Variants in NUP93 observed in about 807,000 individuals in gnomAD.
The protein encoded by NUP93 is nuclear pore complex protein Nup93.
In NUP93, 55 loss-of-function variants were observed where a neutral mutation model predicts 107.8. The observed-to-expected ratio is 0.51, with a 90% CI of 0.41 to 0.64. The LOEUF is 0.64. NUP93 is among the 30% of genes least tolerant of loss of function. The probability of loss-of-function intolerance (pLI) is 0.00; values close to 1 mark genes in which losing one functional copy is unlikely to be tolerated. For synonymous variants in NUP93, 390 were observed against 397.5 expected, an observed-to-expected ratio of 0.98 and a Z score of 0.22; for missense variants, 937 against 1,044.7, an observed-to-expected ratio of 0.90 and a Z score of 1.42.
chr16:56,818,528 C>T, intron 5 of NUP93, 136 bp from the exon 6 acceptor site: 1 of 669,956 alleles, frequency 1.5e-6, no homozygotes, highest in Admixed American at 2.9e-5. Context: ...AAAATCATCA[C>T]TTTGAGGAAT....
rs545918596 is a variant in NUP93 at position 56,845,818 on chromosome 16, AGTT to A, written c.*1213_*1215del. The A allele has an allele frequency of 2.0e-4, 30 of 152,314 alleles. No individual in the cohort carries two copies. The East Asian group carries it at 5.4e-3, about 27-fold the overall frequency. 9.4% of individuals were successfully genotyped at this position (152,314 alleles called of 1,614,324 possible). ...GGTGTGGTCATCCCCACTGTCTCCC[AGTT>A]GTTAAAATAATTGTTACCTTTTCTT... On this transcript the variant is annotated 3_prime_UTR_variant, in exon 22 of 22. Coordinates refer to ENST00000308159, the MANE Select transcript of NUP93 (RefSeq NM_014669.5).
rs1209690658 is a variant in NUP93 at position 56,845,267 on chromosome 16, G to A, written c.*658G>A. The A allele has an allele frequency of 1.9e-5, 3 of 154,342 alleles. No individual in the cohort carries two copies. Among genetic ancestry groups the A allele is most frequent in the African/African-American group, 7.2e-5 (3 of 41,486 alleles). The allele number at this position is 154,342 out of a possible 1,614,324, so 9.6% of individuals were successfully genotyped here. ...GGAAGGTTGCAAGTGCCCCCAGCTT[G>A]CACTTGAGGAAGGGGTAAACCTTGC... On this transcript the variant is annotated 3_prime_UTR_variant, in exon 22 of 22. Coordinates refer to ENST00000308159, the MANE Select transcript of NUP93 (RefSeq NM_014669.5).
chr16:56,751,620 T>C (rs1597105358), intron 2 of NUP93, among the ~76,000 whole-genome samples: 1 of 152,150 alleles, frequency 6.6e-6, no homozygotes, highest in African/African-American at 2.4e-5. Context: ...ATAGGCATTT[T>C]CCCCCACATT....
At chr16:56,785,376 G>T (rs1368922207) in intron 3 of NUP93, among the ~76,000 whole-genome samples, 1 of 152,106 alleles carries the variant, frequency 6.6e-6, no homozygotes, top group African/African-American at 2.4e-5. Context: ...CTCCACCATG[G>T]TCTACTCAAG....
chr16:56,772,970 G>C (rs538730620), intron 3 of NUP93, among the ~76,000 whole-genome samples: 1 of 152,202 alleles, frequency 6.6e-6, no homozygotes, highest in Non-Finnish European at 1.5e-5. Context: ...TTGATCACCA[G>C]TGGCCAGTGG....
chr16:56,785,693 G>A (rs867018331), intron 3 of NUP93, among the ~76,000 whole-genome samples: 5 of 152,130 alleles, frequency 3.3e-5, no homozygotes, highest in Admixed American at 2.6e-4. Context: ...TGGACCGCAC[G>A]AATTATTTTC....
At chr16:56,837,747 A>T (rs751129518) in intron 18 of NUP93, 21 bp downstream of exon 18, 5 of 1,592,216 alleles carry the variant, frequency 3.1e-6, no homozygotes, top group Non-Finnish European at 3.4e-6. Context: ...AGCTGGCTCC[A>T]TGGGACCCTG....
intron 4 of NUP93, among the ~76,000 whole-genome samples, chr16:56,802,533 A>C (rs1367358569): frequency 6.6e-6 from 1 of 152,084 alleles, no homozygotes; most frequent in African/African-American, 2.4e-5. Context: ...GTGTCTGCAG[A>C]ATATGTATTA....
At chr16:56,789,498 C>T (rs1210125756) in intron 3 of NUP93, among the ~76,000 whole-genome samples, 11 of 152,192 alleles carry the variant, frequency 7.2e-5, no homozygotes, top group Admixed American at 7.2e-4. Flanking sequence ...CCACACAGTG[C>T]CATGTTATAT....
At chr16:56,745,900 C>A (rs1961813217) in intron 1 of NUP93, among the ~76,000 whole-genome samples, 1 of 152,132 alleles carries the variant, frequency 6.6e-6, no homozygotes, top group Admixed American at 6.5e-5. Flanking sequence ...TACTTAAATT[C>A]ATTGCTCAAA....
intron 3 of NUP93, among the ~76,000 whole-genome samples, chr16:56,786,222 AC>A (rs1464414045): frequency 4.6e-5 from 7 of 152,136 alleles, no homozygotes; most frequent in African/African-American, 1.7e-4. Context: ...TTGATTTCTC[AC>A]CTGTTCCCAC....
At chr16:56,735,620 G>A (rs971892114) in intron 1 of NUP93, among the ~76,000 whole-genome samples, 13 of 151,988 alleles carry the variant, frequency 8.6e-5, no homozygotes, top group Non-Finnish European at 1.3e-4. Flanking sequence ...CAAGGCGAGC[G>A]GATCACTTGA....
At chr16:56,816,407 A>G (rs972952054) in intron 5 of NUP93, among the ~76,000 whole-genome samples, 7 of 152,296 alleles carry the variant, frequency 4.6e-5, no homozygotes, top group African/African-American at 1.7e-4. Flanking sequence ...AGGTGTGGAG[A>G]GTGTTGATGT....
At chr16:56,755,180 A>C (rs1203254496) in intron 2 of NUP93, among the ~76,000 whole-genome samples, 1 of 152,244 alleles carries the variant, frequency 6.6e-6, no homozygotes, top group East Asian at 1.9e-4. Context: ...AAAACTTGTG[A>C]AGGAAAAATA....
intron 4 of NUP93, among the ~76,000 whole-genome samples, chr16:56,804,187 C>T (rs1567395954): frequency 6.6e-6 from 1 of 152,084 alleles, no homozygotes; most frequent in African/African-American, 2.4e-5. Flanking sequence ...AATAAAATTA[C>T]CTTGCAGTTC....
In NUP93 at chr16:56,844,713, T is replaced by C. The variant is rs756325284; in HGVS notation, c.*104T>C. 7 of 536,418 alleles carry C rather than the reference T, an allele frequency of 1.3e-5. No homozygotes were observed. The highest frequency in any genetic ancestry group is 3.1e-6 in the Non-Finnish European group (1 of 326,562). 33.2% of individuals were successfully genotyped at this position (536,418 alleles called of 1,614,324 possible). On this transcript the variant is annotated 3_prime_UTR_variant, in exon 22 of 22. Transcript: ENST00000308159. ...GTTTTGTTTCTGTTGTGTTTTGTTT[T>C]GGTTTCTGTATTATGTATTTTTGTC...
At chr16:56,807,823 C>A (rs147288238) in intron 5 of NUP93, among the ~76,000 whole-genome samples, 1 of 151,634 alleles carries the variant, frequency 6.6e-6, no homozygotes, top group Non-Finnish European at 1.5e-5. Flanking sequence ...GAAATCAAGA[C>A]CATCCTGGCC....
At chr16:56,747,552 T>TAAAA (rs57113914) in intron 1 of NUP93, among the ~76,000 whole-genome samples, 1 of 142,510 alleles carries the variant, frequency 7.0e-6, no homozygotes, top group African/African-American at 2.6e-5. Flanking sequence ...ACATGAGTAT[T>TAAAA]AAAAAAAAAA....
At chr16:56,783,892 A>T in intron 3 of NUP93, 1 of 985,422 alleles carries the variant, frequency 1.0e-6, no homozygotes, top group Middle Eastern at 5.2e-4. Context: ...TCTTGTACTC[A>T]TATAGCAGGG....
Sources: gnomAD v4.1 joint callset for allele counts (sites outside exome capture counted in the v4.1 genomes callset) on GRCh38, gnomAD v4.1.1 for gene constraint, MANE v1.5 for transcripts, NCBI Gene and HGNC (gene_info 2026-07-23, HGNC 2026-07-21) for gene names.